Variants in ZCCHC14 observed in about 807,000 individuals in gnomAD.
The protein encoded by ZCCHC14 is zinc finger CCHC domain-containing protein 14.
In ZCCHC14, 16 loss-of-function variants were observed where a neutral mutation model predicts 85.0. The observed-to-expected ratio is 0.19, with a 90% CI of 0.13 to 0.29. The LOEUF is 0.29. Ranked by LOEUF, ZCCHC14 falls within the 10% of genes least tolerant of loss-of-function variation. ZCCHC14 has a pLI of 1.00. For synonymous variants in ZCCHC14, 775 were observed against 630.7 expected, an observed-to-expected ratio of 1.23 and a Z score of -3.43; for missense variants, 1,303 against 1,443.5, an observed-to-expected ratio of 0.90 and a Z score of 1.58.
intron 1 of ZCCHC14, among the ~76,000 whole-genome samples, chr16:87,487,877 C>T (rs1221362252): frequency 2.0e-5 from 3 of 151,186 alleles, no homozygotes; most frequent in Non-Finnish European, 4.4e-5. Context: ...TGAAGGAAGC[C>T]AGTCACAAAG....
At chr16:87,455,906 G>A (rs1910934595) in intron 2 of ZCCHC14, among the ~76,000 whole-genome samples, 1 of 152,340 alleles carries the variant, frequency 6.6e-6, no homozygotes, top group East Asian at 1.9e-4. Context: ...TAATGCAAGC[G>A]TTCTGAGCAC....
Position 87,491,712 on chromosome 16 carries a change from G to C in ZCCHC14, c.527C>G (p.Pro176Arg), listed in dbSNP as rs1480737671. The C allele has an allele frequency of 1.3e-6, 2 of 1,531,712 alleles. No homozygotes were observed. The highest frequency in any genetic ancestry group is 2.9e-5 in the African/African-American group (2 of 69,654). The allele number at this position is 1,531,712 out of a possible 1,614,324, so 94.9% of individuals were successfully genotyped here. The stretch of plus-strand genomic sequence containing the variant: ...AGTGGGCAGCGCGCCGCCCGGCCCG[G>C]GCGCGCCCTTGCCGCCGTGGCCCCC... ...GGGGHGGKGA[P>R]GPGGALPTCP... Residue 176 changes from proline (P) to arginine (R), a missense_variant, in exon 1 of 13, where the codon CCC (proline) becomes CGC (arginine). By Grantham distance (103) the Pro-to-Arg change is moderately radical (BLOSUM62 -2). Transcript: ENST00000671377. The surrounding 1 kb of genome is among the most constrained non-coding windows in gnomAD (Gnocchi z 5.9).
chr16:87,418,160 T>C lies in ZCCHC14; in HGVS notation c.1101-418A>G, dbSNP rs892752909. Among the ~76,000 whole-genome samples the C allele has an allele frequency of 4.6e-5, 7 of 152,256 alleles. No homozygotes were observed. In the East Asian group the frequency reaches 1.3e-3, roughly 29 times the overall value. On this transcript the variant is annotated intron_variant, in intron 7 of 12. Coordinates refer to ENST00000671377, the MANE Select transcript of ZCCHC14 (RefSeq NM_015144.3). The stretch of plus-strand genomic sequence containing the variant: ...CTACTCCGATAGGTATTTCTGTTAC[T>C]TCTAAGTCACAGAATGACACTGATA...
chr16:87,437,926 C>G (rs979161063), intron 2 of ZCCHC14, among the ~76,000 whole-genome samples: 1 of 152,242 alleles, frequency 6.6e-6, no homozygotes. Flanking sequence ...CACCACACCA[C>G]GGTGTTTCGA....
Position 87,414,508 on chromosome 16 carries a change from C to G in ZCCHC14, c.1509G>C (p.Ser503=), listed in dbSNP as rs779590270. The G allele has an allele frequency of 2.3e-5, 37 of 1,612,814 alleles. No individual in the cohort carries two copies. The South Asian group carries it at 4.0e-4, about 17-fold the overall frequency. The change falls in exon 10 of 13, where the codon TCG becomes TCC. Residue 503 remains serine (S), a synonymous_variant. Transcript: ENST00000671377. ...EKSERRCLNP[S]APPLVTSSGV... is the part of the protein sequence containing the mutation. ...CACTGCTGGTGACCAGCGGCGGGGCCGAGGGGTTCAGGCACCGTCTCTCTG... is the reference window on the plus strand; with the variant it reads ...CACTGCTGGTGACCAGCGGCGGGGCGGAGGGGTTCAGGCACCGTCTCTCTG...
chr16:87,465,145 C>T (rs987679996), intron 1 of ZCCHC14, among the ~76,000 whole-genome samples: 2 of 152,244 alleles, frequency 1.3e-5, no homozygotes, highest in African/African-American at 4.8e-5. Flanking sequence ...TGCCTGGAAG[C>T]GCCCCTGTGC....
chr16:87,421,427 C>G (rs1164298805), intron 4 of ZCCHC14, among the ~76,000 whole-genome samples: 3 of 152,176 alleles, frequency 2.0e-5, no homozygotes. Flanking sequence ...AGGGGAAAAG[C>G]AAAAGCGCTC....
At chr16:87,432,662 G>A (rs74038770) in intron 3 of ZCCHC14, among the ~76,000 whole-genome samples, 6,161 of 152,202 alleles carry the variant, frequency 0.04, 422 homozygotes, top group African/African-American at 0.14. Flanking sequence ...TGGGTCACCG[G>A]GAAACACAAT....
At chr16:87,483,523 A>G (rs1393687221) in intron 1 of ZCCHC14, among the ~76,000 whole-genome samples, 5 of 151,944 alleles carry the variant, frequency 3.3e-5, no homozygotes, top group Admixed American at 2.0e-4. Flanking sequence ...AGAAAAGACC[A>G]ACAACTCAAC....
chr16:87,415,398 C>G, intron 8 of ZCCHC14, 31 bp from the exon 9 acceptor site: 1 of 1,590,028 alleles, frequency 6.3e-7, no homozygotes, highest in Non-Finnish European at 8.6e-7. Flanking sequence ...TACAAAGTTA[C>G]GGAGACATAA....
chr16:87,487,557 G>A (rs563479443), intron 1 of ZCCHC14, among the ~76,000 whole-genome samples: 13 of 152,300 alleles, frequency 8.5e-5, no homozygotes, highest in African/African-American at 2.9e-4. Context: ...CTCTGCACAC[G>A]GCACCTAGCA....
At chr16:87,414,100 C>T (rs551942077) in intron 10 of ZCCHC14, among the ~76,000 whole-genome samples, 2 of 136,582 alleles carry the variant, frequency 1.5e-5, no homozygotes, top group Admixed American at 7.1e-5. Flanking sequence ...TCTGCGTAAC[C>T]GACCTGCCCG....
chr16:87,481,283 A>G (rs1282855436), intron 1 of ZCCHC14, among the ~76,000 whole-genome samples: 1 of 152,154 alleles, frequency 6.6e-6, no homozygotes, highest in Non-Finnish European at 1.5e-5. Flanking sequence ...AGAAAATAAA[A>G]TGGAGCAGCT....
At chr16:87,432,880 C>A (rs1325092656) in intron 3 of ZCCHC14, among the ~76,000 whole-genome samples, 1 of 152,186 alleles carries the variant, frequency 6.6e-6, no homozygotes. Context: ...AGGTATGCAC[C>A]ATTCACACCT....
intron 1 of ZCCHC14, among the ~76,000 whole-genome samples, chr16:87,475,250 T>C (rs776578584): frequency 6.6e-6 from 1 of 152,018 alleles, no homozygotes; most frequent in Non-Finnish European, 1.5e-5. Context: ...AGAACATTTC[T>C]TAAAAAATGG....
chr16:87,415,678 G>A (rs1447613718), intron 8 of ZCCHC14, among the ~76,000 whole-genome samples: 1 of 152,194 alleles, frequency 6.6e-6, no homozygotes, highest in Non-Finnish European at 1.5e-5. Context: ...GTGCCCACTT[G>A]CCCTCTGCTC....
Position 87,417,629 on chromosome 16 carries a change from G to A in ZCCHC14, c.1214C>T (p.Ala405Val), listed in dbSNP as rs748578654. Reference sequence around the variant, plus strand: ...GGTCCGGTAGGCCAGGGCTGAGCCCGCGCTGCCCGCATGGGAGCAGTGAGG... The same window carrying A: ...GGTCCGGTAGGCCAGGGCTGAGCCCACGCTGCCCGCATGGGAGCAGTGAGG... ...PLPHCSHAGS[A>V]GSALAYRTQM... Residue 405 changes from alanine (A) to valine (V), a missense_variant, in exon 8 of 13, where the codon GCG (alanine) becomes GTG (valine). Coordinates refer to ENST00000671377, the MANE Select transcript of ZCCHC14 (RefSeq NM_015144.3). 1.3e-5 allele frequency: 21 copies of A among 1,613,982 alleles called. No homozygotes were observed. The highest frequency in any genetic ancestry group is 1.7e-5 in the Admixed American group (1 of 60,012).
chr16:87,439,027 A>T (rs1014252302), intron 2 of ZCCHC14, among the ~76,000 whole-genome samples: 2 of 152,208 alleles, frequency 1.3e-5, no homozygotes, highest in Non-Finnish European at 2.9e-5. Flanking sequence ...ACAAGCTAAG[A>T]CAAGCCACGA....
intron 1 of ZCCHC14, among the ~76,000 whole-genome samples, chr16:87,486,707 A>T (rs1912527612): frequency 6.6e-6 from 1 of 152,258 alleles, no homozygotes; most frequent in Admixed American, 6.5e-5. Context: ...TTAGAATATT[A>T]TCTCCTGTAT....
Sources: gnomAD v4.1 joint callset for allele counts (sites outside exome capture counted in the v4.1 genomes callset) on GRCh38, gnomAD v4.1.1 for gene constraint, Gnocchi (gnomAD v3.1) non-coding constraint, MANE v1.5 for transcripts, NCBI Gene and HGNC (gene_info 2026-07-23, HGNC 2026-07-21) for gene names.